Variants in DLGAP2 observed in about 807,000 individuals in gnomAD.
DLGAP2 encodes DLG associated protein 2, also known as disks large-associated protein 2.
Under a neutral mutation model 100.3 loss-of-function variants are expected in DLGAP2, and 26 were observed. The observed-to-expected ratio is 0.26, with a 90% CI of 0.19 to 0.36. The LOEUF is 0.36. DLGAP2 is among the 10% of genes least tolerant of loss of function. The pLI, the probability that DLGAP2 is intolerant of heterozygous loss-of-function variation, is 1.00. For synonymous variants in DLGAP2, 886 were observed against 630.1 expected, an observed-to-expected ratio of 1.41 and a Z score of -6.08; for missense variants, 1,858 against 1,453.2, an observed-to-expected ratio of 1.28 and a Z score of -4.53.
rs2130781228 is a variant in DLGAP2, at chr8:1,632,859, G to C, written c.1623G>C (p.Glu541Asp). 1.9e-6 allele frequency: 3 copies of C among 1,613,460 alleles called. No individual in the cohort carries two copies. In the East Asian group the frequency reaches 6.7e-5, roughly 36 times the overall value. ...AGGCGGAGATCAATGGGCAATTCGA[G>C]TCCGTGTGCGAGTCCGTCTTCAGTG... ...VSEAEINGQF[E>D]SVCESVFSEV... The change falls in exon 8 of 15, where the codon GAG (glutamate) becomes GAC (aspartate). Residue 541 changes from glutamate to aspartate, a missense_variant. Physicochemically the swap from Glu to Asp is conservative, Grantham distance 45. Transcript: ENST00000637795.
At chr8:1,267,191 C>A (rs13282886) in intron 3 of DLGAP2, among the ~76,000 whole-genome samples, 43,579 of 150,894 alleles carry the variant, frequency 0.29, 6,582 homozygotes, top group Non-Finnish European at 0.31. Context: ...AAGATTGCAC[C>A]ACTGCACTCC....
intron 1 of DLGAP2, among the ~76,000 whole-genome samples, chr8:788,227 C>T (rs1000124581): frequency 6.6e-6 from 1 of 152,244 alleles, no homozygotes; most frequent in Non-Finnish European, 1.5e-5. Context: ...TCTCACACAG[C>T]GTCCTGTTGT....
At chr8:1,307,737 G>T (rs1800522495) in intron 3 of DLGAP2, among the ~76,000 whole-genome samples, 1 of 152,204 alleles carries the variant, frequency 6.6e-6, no homozygotes, top group African/African-American at 2.4e-5. Context: ...GAACCCTGAA[G>T]ACATTCCACA....
chr8:1,303,328 C>T (rs7464227), intron 3 of DLGAP2, among the ~76,000 whole-genome samples: 83,810 of 148,422 alleles, frequency 0.56, 23,579 homozygotes, highest in Admixed American at 0.58. Flanking sequence ...ACCCGGGAGG[C>T]GGAGCTTGCA....
rs1799606396 is a variant in DLGAP2, at chr8:956,733, G to A, written c.73+48767G>A. On this transcript the variant is annotated intron_variant, in intron 2 of 14. Transcript: ENST00000637795. ...AATTCCAGTTACTTAGGCAAGGGAA[G>A]CCCTCTCCAATCTGTCCTGAGGTCT... 3.9e-5 allele frequency among the ~76,000 whole-genome samples: 6 copies of A among 152,218 alleles called. No individual in the cohort carries two copies. The South Asian group carries it at 1.2e-3, about 32-fold the overall frequency.
At chr8:814,850 C>CAAAAAAAAAAAAAAAAAAA (rs34412684) in intron 1 of DLGAP2, among the ~76,000 whole-genome samples, 1 of 61,870 alleles carries the variant, frequency 1.6e-5, no homozygotes, top group Non-Finnish European at 2.9e-5. Flanking sequence ...GACTCCGTCT[C>CAAAAAAAAAAAAAAAAAAA]AAAAAAAAAA....
chr8:1,651,035 T>TG (rs1457441227), intron 8 of DLGAP2, among the ~76,000 whole-genome samples: 1 of 152,128 alleles, frequency 6.6e-6, no homozygotes. Context: ...AGCGGAATTT[T>TG]GGGATTACAT....
At chr8:1,522,608 C>G (rs747535985) in intron 4 of DLGAP2, among the ~76,000 whole-genome samples, 1 of 152,168 alleles carries the variant, frequency 6.6e-6, no homozygotes, top group Non-Finnish European at 1.5e-5. Context: ...CCTCATGTGG[C>G]CATTGCAAGG....
At chr8:1,329,508 A>G (rs1237795738) in intron 3 of DLGAP2, among the ~76,000 whole-genome samples, 1 of 152,072 alleles carries the variant, frequency 6.6e-6, no homozygotes, top group Non-Finnish European at 1.5e-5. Flanking sequence ...TCATTTAGAG[A>G]GTGTGTGCAT....
chr8:979,047 G>T (rs1204427851), intron 2 of DLGAP2, among the ~76,000 whole-genome samples: 1 of 152,142 alleles, frequency 6.6e-6, no homozygotes, highest in Non-Finnish European at 1.5e-5. Context: ...CCGCAGGAGT[G>T]TTCAGGAGCA....
At chr8:1,030,576 A>G (rs2129027794) in intron 2 of DLGAP2, among the ~76,000 whole-genome samples, 1 of 152,334 alleles carries the variant, frequency 6.6e-6, no homozygotes, top group East Asian at 1.9e-4. Flanking sequence ...GGTCTCTGAA[A>G]TATTTTTCAT....
At chr8:755,286 T>A (rs1820893270) in intron 1 of DLGAP2, among the ~76,000 whole-genome samples, 1 of 152,040 alleles carries the variant, frequency 6.6e-6, no homozygotes, top group Non-Finnish European at 1.5e-5. Flanking sequence ...TGGCAAAACC[T>A]TGTATCTACA....
rs572422651 is a variant in DLGAP2, at chr8:1,357,367, C to A, written c.106+98484C>A. ...CACCCCTGTTCACCTAAACCAGATACAACCCCTTCCTGATGCATCTGTTGG... is the reference window on the plus strand; with the variant it reads ...CACCCCTGTTCACCTAAACCAGATAAAACCCCTTCCTGATGCATCTGTTGG... On this transcript the variant is annotated intron_variant, in intron 3 of 14. Transcript: ENST00000637795. 6.6e-5 allele frequency among the ~76,000 whole-genome samples: 10 copies of A among 151,848 alleles called. No individual in the cohort carries two copies. In the South Asian group the frequency reaches 1.9e-3, roughly 28 times the overall value.
chr8:1,407,552 A>C (rs1350122961), intron 3 of DLGAP2, among the ~76,000 whole-genome samples: 43 of 122,512 alleles, frequency 3.5e-4, no homozygotes, highest in Middle Eastern at 5.6e-3. Context: ...ACTGAGCGCC[A>C]CCTCCTCATC....
intron 2 of DLGAP2, among the ~76,000 whole-genome samples, chr8:986,044 A>G (rs1800477590): frequency 6.6e-6 from 1 of 152,158 alleles, no homozygotes; most frequent in Non-Finnish European, 1.5e-5. Flanking sequence ...AGGGGGGAGT[A>G]TGGCTGGTTG....
At chr8:1,415,287 G>A (rs755782137) in intron 3 of DLGAP2, among the ~76,000 whole-genome samples, 4 of 152,070 alleles carry the variant, frequency 2.6e-5, no homozygotes, top group Non-Finnish European at 4.4e-5. Context: ...TCTCTAGTGC[G>A]TCTTTCTGAT....
intron 3 of DLGAP2, among the ~76,000 whole-genome samples, chr8:1,429,346 C>A (rs1236584646): frequency 2.6e-5 from 4 of 152,106 alleles, no homozygotes; most frequent in Non-Finnish European, 4.4e-5. Context: ...GCCATCCCAG[C>A]CCATTGGCCT....
intron 3 of DLGAP2, among the ~76,000 whole-genome samples, chr8:1,266,363 C>T (rs7009926): frequency 0.87 from 131,871 of 152,248 alleles, 57,300 homozygotes; most frequent in African/African-American, 0.91. Flanking sequence ...CTGGGTGATA[C>T]TCTGTCTACG....
intron 2 of DLGAP2, among the ~76,000 whole-genome samples, chr8:936,515 G>C (rs1200344873): frequency 6.6e-6 from 1 of 152,182 alleles, no homozygotes; most frequent in Non-Finnish European, 1.5e-5. Context: ...AGGACGCATG[G>C]CTCCTGGGCT....
Sources: allele counts gnomAD v4.1 joint callset (sites outside exome capture counted in the v4.1 genomes callset), GRCh38; gene constraint gnomAD v4.1.1; transcripts MANE v1.5; gene names NCBI Gene and HGNC (gene_info 2026-07-23, HGNC 2026-07-21).